CRADD: variants seen among roughly 807,000 people sequenced by gnomAD.
The protein encoded by CRADD is CARD and death domain containing adaptor protein, also known as death domain-containing protein CRADD.
A neutral mutation model predicts 15.5 loss-of-function variants in CRADD; 9 were observed. That is an observed-to-expected ratio of 0.58 (90% CI 0.35 to 1.01). The LOEUF is 1.01. Ranked by LOEUF, CRADD falls within the 50% of genes least tolerant of loss-of-function variation. CRADD has a pLI of 0.02. For missense variants in CRADD, 227 were observed against 250.3 expected (o/e 0.91, Z 0.63); for synonymous variants, 118 against 107.6 (o/e 1.10, Z -0.60).
intron 2 of CRADD, among the ~76,000 whole-genome samples, chr12:93,800,429 C>T (rs1957464760): frequency 6.6e-6 from 1 of 152,162 alleles, no homozygotes; most frequent in Admixed American, 6.5e-5. Context: ...GTGTCTCCAT[C>T]CAAATCTCAT....
intron 1 of CRADD, 87 bp from the exon 2 acceptor site, chr12:93,678,682 C>T: frequency 7.1e-7 from 1 of 1,413,686 alleles, no homozygotes; most frequent in Non-Finnish European, 9.6e-7. Flanking sequence ...ATGTGCTTGA[C>T]CTGAAGGAAC....
rs74544195 is a variant in CRADD, at chr12:93,861,757, C to T, written c.299-32293C>T. On this transcript the variant is annotated intron_variant, in intron 2 of 2. Coordinates refer to the CRADD transcript ENST00000548483. ...CACTCAGCTCCATCCCAGACTCAGCCTCCAGGGGAACATAGCTTGTGCATT... is the reference window on the plus strand; with the variant it reads ...CACTCAGCTCCATCCCAGACTCAGCTTCCAGGGGAACATAGCTTGTGCATT... Among the ~76,000 whole-genome samples, 396 of 152,354 alleles carry T rather than the reference C, an allele frequency of 2.6e-3. 3 individuals carry two copies. Among genetic ancestry groups the T allele is most frequent in the African/African-American group, 9.2e-3 (382 of 41,578 alleles).
chr12:93,785,207 T>G (rs1464463624), intron 2 of CRADD, among the ~76,000 whole-genome samples: 2 of 152,200 alleles, frequency 1.3e-5, no homozygotes, highest in Non-Finnish European at 1.5e-5. Flanking sequence ...AGAGGAAGTT[T>G]TATCATTTAA....
chr12:93,792,736 G>C (rs1365713573), intron 2 of CRADD, among the ~76,000 whole-genome samples: 2 of 152,118 alleles, frequency 1.3e-5, no homozygotes, highest in Admixed American at 1.3e-4. Context: ...TTACAGACGA[G>C]GAAACTGAGA....
chr12:93,726,568 A>T (rs759522200), intron 2 of CRADD, among the ~76,000 whole-genome samples: 1 of 152,186 alleles, frequency 6.6e-6, no homozygotes, highest in Non-Finnish European at 1.5e-5. Flanking sequence ...CTCTACTTGG[A>T]GGGGTACATC....
chr12:93,716,005 G>A (rs1956155833), intron 2 of CRADD, among the ~76,000 whole-genome samples: 1 of 151,870 alleles, frequency 6.6e-6, no homozygotes, highest in Non-Finnish European at 1.5e-5. Flanking sequence ...AGTGGCAGAT[G>A]CCTGTAATCC....
chr12:93,770,521 A>G (rs2136960102), intron 2 of CRADD, among the ~76,000 whole-genome samples: 1 of 152,350 alleles, frequency 6.6e-6, no homozygotes, highest in Non-Finnish European at 1.5e-5. Context: ...ATGCTACATT[A>G]ATATCCAGTT....
intron 2 of CRADD, among the ~76,000 whole-genome samples, chr12:93,777,352 G>A (rs574596490): frequency 3.3e-5 from 5 of 152,324 alleles, no homozygotes; most frequent in East Asian, 3.9e-4. Context: ...TTTCTTACTC[G>A]TTGTTCTTGT....
At chr12:93,779,533 AAAAG>A (rs957747495) in intron 2 of CRADD, among the ~76,000 whole-genome samples, 21 of 152,106 alleles carry the variant, frequency 1.4e-4, no homozygotes, top group Admixed American at 2.0e-4. Context: ...TAGAGAAATA[AAAAG>A]AAAGTTTCTG....
At chr12:93,770,584 C>T (rs1236011026) in intron 2 of CRADD, among the ~76,000 whole-genome samples, 1 of 152,222 alleles carries the variant, frequency 6.6e-6, no homozygotes, top group Non-Finnish European at 1.5e-5. Context: ...CTCTGCCATA[C>T]AGCCTGTTCC....
chr12:93,842,349 G>A (rs1958058886), intron 2 of CRADD, among the ~76,000 whole-genome samples: 1 of 152,212 alleles, frequency 6.6e-6, no homozygotes, highest in South Asian at 2.1e-4. Flanking sequence ...CTGCTGCACA[G>A]AGATTCGTTA....
intron 2 of CRADD, among the ~76,000 whole-genome samples, chr12:93,892,827 T>C (rs1958586048): frequency 6.6e-6 from 1 of 152,178 alleles, no homozygotes; most frequent in Non-Finnish European, 1.5e-5. Flanking sequence ...ACTAGGGAAA[T>C]AGAAGGAACA....
intron 2 of CRADD, among the ~76,000 whole-genome samples, chr12:93,731,148 G>T (rs1956457404): frequency 6.6e-6 from 1 of 152,192 alleles, no homozygotes; most frequent in South Asian, 2.1e-4. Flanking sequence ...GTCTGGGGAG[G>T]CTGTGAAACA....
intron 2 of CRADD, among the ~76,000 whole-genome samples, chr12:93,781,030 A>G (rs1467838879): frequency 1.3e-5 from 2 of 151,486 alleles, no homozygotes; most frequent in Non-Finnish European, 2.9e-5. Flanking sequence ...TGCTGGGATT[A>G]CAAGTGTGAG....
intron 2 of CRADD, among the ~76,000 whole-genome samples, chr12:93,756,432 A>G (rs1956890831): frequency 6.6e-6 from 1 of 152,134 alleles, no homozygotes; most frequent in Non-Finnish European, 1.5e-5. Flanking sequence ...TAGGCCCATT[A>G]CTCTGGCCCT....
At chr12:93,693,679 A>G (rs1331741036) in intron 2 of CRADD, among the ~76,000 whole-genome samples, 1 of 152,060 alleles carries the variant, frequency 6.6e-6, no homozygotes, top group South Asian at 2.1e-4. Context: ...TCAGTAATGG[A>G]CAGGTTACCC....
intron 2 of CRADD, among the ~76,000 whole-genome samples, chr12:93,739,849 AT>A (rs1956641762): frequency 6.6e-6 from 1 of 152,194 alleles, no homozygotes; most frequent in Admixed American, 6.5e-5. Flanking sequence ...TGTGGAGCCC[AT>A]TAATCACAAT....
chr12:93,678,314 G>T (rs1955204481), intron 1 of CRADD, among the ~76,000 whole-genome samples: 1 of 152,182 alleles, frequency 6.6e-6, no homozygotes, highest in Non-Finnish European at 1.5e-5. Flanking sequence ...AAAAAAAGGG[G>T]ACCTGCGTCC....
At chr12:93,823,663 C>T (rs1447504887) in intron 2 of CRADD, among the ~76,000 whole-genome samples, 2 of 152,186 alleles carry the variant, frequency 1.3e-5, no homozygotes, top group East Asian at 3.8e-4. Flanking sequence ...CTGTTCTCAT[C>T]GTGTCTAACT....
Sources: gnomAD v4.1 joint callset for allele counts (sites outside exome capture counted in the v4.1 genomes callset) on GRCh38, gnomAD v4.1.1 for gene constraint, MANE v1.5 for transcripts, NCBI Gene and HGNC (gene_info 2026-07-23, HGNC 2026-07-21) for gene names.